FAM169A: variants seen among roughly 807,000 people sequenced by gnomAD.
FAM169A encodes family with sequence similarity 169 member A.
FAM169A carries 24 observed loss-of-function variants against 75.7 expected under a neutral mutation model. That is an observed-to-expected ratio of 0.32 (90% CI 0.23 to 0.45). The LOEUF is 0.45. Among genes scored for constraint, FAM169A ranks in the 20% least tolerant of loss-of-function variants. The pLI is 1.00. For synonymous variants in FAM169A, 271 were observed against 271.0 expected, an observed-to-expected ratio of 1.00 and a Z score of 0.00; for missense variants, 673 against 784.0, an observed-to-expected ratio of 0.86 and a Z score of 1.69.
At chr5:74,799,446 T>C in intron 10 of FAM169A, 2 of 1,612,818 alleles carry the variant, frequency 1.2e-6, no homozygotes, top group South Asian at 1.1e-5. Context: ...TGGATTGGCA[T>C]CCCAACAATG....
intron 5 of FAM169A, among the ~76,000 whole-genome samples, chr5:74,824,011 C>A (rs900565071): frequency 3.9e-5 from 6 of 152,086 alleles, no homozygotes; most frequent in African/African-American, 1.4e-4. Flanking sequence ...ATGGATATAG[C>A]CCCTAGTAAA....
At chr5:74,860,730 C>A (rs1749987903) in intron 1 of FAM169A, among the ~76,000 whole-genome samples, 1 of 149,840 alleles carries the variant, frequency 6.7e-6, no homozygotes, top group African/African-American at 2.5e-5. Context: ...GTGAAATATT[C>A]TTCTTCTCTC....
intron 1 of FAM169A, among the ~76,000 whole-genome samples, chr5:74,845,635 CAGAA>C (rs1486627691): frequency 6.6e-6 from 1 of 152,174 alleles, no homozygotes. Flanking sequence ...AACTTAAAAA[CAGAA>C]AGCACAAATT....
intron 4 of FAM169A, among the ~76,000 whole-genome samples, chr5:74,835,375 G>C (rs537121414): frequency 6.6e-6 from 1 of 152,122 alleles, no homozygotes; most frequent in East Asian, 1.9e-4. Flanking sequence ...GCTGAGGTGG[G>C]TGGATCGCTT....
intron 5 of FAM169A, among the ~76,000 whole-genome samples, chr5:74,816,982 C>T (rs1185415319): frequency 6.6e-6 from 1 of 152,104 alleles, no homozygotes; most frequent in Non-Finnish European, 1.5e-5. Context: ...TCTACTTAAT[C>T]ATCTCAATAG....
chr5:74,828,777 T>G (rs1028346797), intron 5 of FAM169A, among the ~76,000 whole-genome samples: 1 of 152,222 alleles, frequency 6.6e-6, no homozygotes, highest in Non-Finnish European at 1.5e-5. Flanking sequence ...TCTTACTCAC[T>G]TCGTCATGTG....
chr5:74,863,471 T>A (rs941568862), intron 1 of FAM169A, among the ~76,000 whole-genome samples: 1 of 152,194 alleles, frequency 6.6e-6, no homozygotes, highest in Non-Finnish European at 1.5e-5. Context: ...ACAAGTTTTG[T>A]TTAACTTCCT....
In FAM169A at chr5:74,801,558, ATACT is replaced by A. The variant is rs761362587; in HGVS notation, c.952+28_952+31del. On this transcript the variant is annotated intron_variant, in intron 9 of 12. Coordinates refer to ENST00000687041, the MANE Select transcript of FAM169A (RefSeq NM_001376049.1). ...ACAGCCCTAATTTGAAGTGTCTCAAATACTTACTGATATATCAGTTGAATTTCTT... is the reference window on the plus strand; with the variant it reads ...ACAGCCCTAATTTGAAGTGTCTCAAATACTGATATATCAGTTGAATTTCTT... 5 of 1,553,058 alleles carry A rather than the reference ATACT, an allele frequency of 3.2e-6. No individual in the cohort carries two copies. In the East Asian group the frequency reaches 6.7e-5, roughly 21 times the overall value.
intron 1 of FAM169A, among the ~76,000 whole-genome samples, chr5:74,845,197 C>T (rs1254694834): frequency 1.3e-5 from 2 of 152,108 alleles, no homozygotes; most frequent in African/African-American, 4.8e-5. Context: ...TTACCCTAAT[C>T]TGAAAGTTAA....
chr5:74,818,251 T>C (rs1055879317), intron 5 of FAM169A, among the ~76,000 whole-genome samples: 18 of 152,060 alleles, frequency 1.2e-4, no homozygotes, highest in African/African-American at 4.1e-4. Context: ...TTCCAAAGTA[T>C]GTATCTGACA....
At chr5:74,804,453 A>G (rs769030926) in intron 8 of FAM169A, 40 bp downstream of exon 8, 1 of 1,088,608 alleles carries the variant, frequency 9.2e-7, no homozygotes, top group Non-Finnish European at 1.3e-6. Flanking sequence ...AAACACAAAA[A>G]TTTTATATAC....
At chr5:74,826,798 A>G (rs1305128888) in intron 5 of FAM169A, among the ~76,000 whole-genome samples, 1 of 152,202 alleles carries the variant, frequency 6.6e-6, no homozygotes, top group African/African-American at 2.4e-5. Context: ...TAGCTAAACT[A>G]CAGACTTTAT....
chr5:74,865,214 T>C (rs959671853), intron 1 of FAM169A: 2 of 152,206 alleles, frequency 1.3e-5, no homozygotes, highest in Non-Finnish European at 2.9e-5. Flanking sequence ...CTCAGGAACC[T>C]TGAAAATGAC....
chr5:74,784,525 A>C (rs1375100564), intron 11 of FAM169A, among the ~76,000 whole-genome samples: 3 of 148,530 alleles, frequency 2.0e-5, no homozygotes, highest in East Asian at 1.9e-4. Flanking sequence ...AAAAAAAAAA[A>C]AAAACAAGAA....
chr5:74,843,647 C>T (rs530329366), intron 1 of FAM169A, among the ~76,000 whole-genome samples: 2 of 152,200 alleles, frequency 1.3e-5, no homozygotes, highest in South Asian at 4.1e-4. Context: ...TCATTTTGAA[C>T]TTCTTATATT....
At chr5:74,788,192 G>A (rs2035755578) in intron 11 of FAM169A, among the ~76,000 whole-genome samples, 1 of 152,174 alleles carries the variant, frequency 6.6e-6, no homozygotes, top group African/African-American at 2.4e-5. Flanking sequence ...TGAAGATCAG[G>A]TAATCTAATG....
chr5:74,799,673 C>T, intron 10 of FAM169A: 2 of 1,281,134 alleles, frequency 1.6e-6, no homozygotes, highest in Non-Finnish European at 2.3e-6. Context: ...CACGACAGCA[C>T]CATGTCTGCT....
intron 10 of FAM169A, chr5:74,800,015 C>T (rs1424927332): frequency 3.9e-6 from 3 of 776,296 alleles, no homozygotes; most frequent in Non-Finnish European, 7.0e-6. Flanking sequence ...AAGATTGTCG[C>T]AAATATTGCA....
At chr5:74,840,031 G>C (rs1748774858) in intron 3 of FAM169A, 43 bp downstream of exon 3, 2 of 1,014,778 alleles carry the variant, frequency 2.0e-6, no homozygotes, top group Non-Finnish European at 1.5e-6. Flanking sequence ...CTAACAGTTT[G>C]GAGAAAAATT....
Sources: gnomAD v4.1 joint callset for allele counts (sites outside exome capture counted in the v4.1 genomes callset) on GRCh38, gnomAD v4.1.1 for gene constraint, MANE v1.5 for transcripts, NCBI Gene and HGNC (gene_info 2026-07-23, HGNC 2026-07-21) for gene names.